MORC1: variants seen among roughly 807,000 people sequenced by gnomAD.
MORC1 encodes the protein MORC family CW-type zinc finger protein 1.
MORC1 carries 59 observed loss-of-function variants against 134.9 expected under a neutral mutation model. The observed-to-expected ratio is 0.44, with a 90% CI of 0.35 to 0.54. The LOEUF (loss-of-function observed/expected upper bound fraction) is 0.54, where lower values mean the gene tolerates loss of function less well. Ranked by LOEUF, MORC1 falls within the 20% of genes least tolerant of loss-of-function variation. The probability of loss-of-function intolerance (pLI) is 0.00; values close to 1 mark genes in which losing one functional copy is unlikely to be tolerated. For missense variants in MORC1, 947 were observed against 1,134.5 expected (o/e 0.83, Z 2.37); for synonymous variants, 395 against 391.7 (o/e 1.01, Z -0.10).
At chr3:108,970,242 G>T (rs1947341359) in intron 25 of MORC1, among the ~76,000 whole-genome samples, 1 of 151,962 alleles carries the variant, frequency 6.6e-6, no homozygotes, top group African/African-American at 2.4e-5. Context: ...AACAGGAGCT[G>T]CCACAAAGAA....
chr3:109,045,700 C>A (rs1448792438), intron 14 of MORC1, among the ~76,000 whole-genome samples: 1 of 152,120 alleles, frequency 6.6e-6, no homozygotes, highest in Non-Finnish European at 1.5e-5. Context: ...TTTCTCTTGG[C>A]TCCTGGGTAT....
chr3:108,985,178 C>T (rs969278112), intron 22 of MORC1, among the ~76,000 whole-genome samples: 5 of 152,010 alleles, frequency 3.3e-5, no homozygotes, highest in African/African-American at 7.3e-5. Flanking sequence ...TGACAGATCC[C>T]GATGAAAAAT....
At chr3:109,085,486 A>T (rs1443605618) in intron 8 of MORC1, among the ~76,000 whole-genome samples, 1 of 152,162 alleles carries the variant, frequency 6.6e-6, no homozygotes, top group Admixed American at 6.5e-5. Flanking sequence ...CAACATACAA[A>T]TAGCCAAAGG....
At chr3:109,008,098 TAA>T (rs2107541439) in intron 17 of MORC1, among the ~76,000 whole-genome samples, 1 of 152,310 alleles carries the variant, frequency 6.6e-6, no homozygotes, top group Non-Finnish European at 1.5e-5. Context: ...CTTTAGTGTA[TAA>T]AGAGCTTCTT....
rs186789727 is a variant in MORC1, at chr3:109,028,730, A to G, written c.1566-841T>C. Among the ~76,000 whole-genome samples the G allele has an allele frequency of 2.6e-5, 4 of 152,280 alleles. No individual in the cohort carries two copies. The East Asian group carries it at 7.7e-4, about 29-fold the overall frequency. ...GGAACTGAGTCAGCCAAACTGCTGAAAAAATAAGATATTATTTTGTTCACT... is the reference window on the plus strand; with the variant it reads ...GGAACTGAGTCAGCCAAACTGCTGAGAAAATAAGATATTATTTTGTTCACT... On this transcript the variant is annotated intron_variant, in intron 16 of 27. Transcript: ENST00000232603.
chr3:108,960,038 A>C (rs1185565026), intron 27 of MORC1, among the ~76,000 whole-genome samples: 2 of 152,070 alleles, frequency 1.3e-5, no homozygotes, highest in Non-Finnish European at 2.9e-5. Context: ...GACTATGGCA[A>C]GTAATTTTTT....
chr3:109,023,599 A>G (rs937065486), intron 17 of MORC1, among the ~76,000 whole-genome samples: 4 of 152,160 alleles, frequency 2.6e-5, no homozygotes, highest in African/African-American at 9.6e-5. Context: ...TGTAACTAAA[A>G]CTAGATTCTG....
At chr3:109,048,299 C>T (rs1164981554) in intron 14 of MORC1, among the ~76,000 whole-genome samples, 1 of 152,036 alleles carries the variant, frequency 6.6e-6, no homozygotes, top group African/African-American at 2.4e-5. Context: ...AAGGTAATAA[C>T]TTTTAGGTAA....
chr3:108,979,644 T>C lies in MORC1; in HGVS notation c.2348A>G (p.Asp783Gly), dbSNP rs139035446. ...TATGTGTCCAGAACTTAGATTCACA[T>C]CTTCCATCGGCACATTGAGCAAGCT... is the stretch of plus-strand genomic sequence containing the variant. ...WKSLLNVPME[D>G]VNLSSGHIAR... The change falls in exon 24 of 28, where the codon GAT (aspartate) becomes GGT (glycine). Residue 783 changes from aspartate (D) to glycine (G), a missense_variant. This residue lies in a region of MORC1 where 722 missense variants were observed against 817.0 expected (regional missense o/e 0.88). Transcript: ENST00000232603. 5.9e-5 allele frequency: 95 copies of C among 1,614,114 alleles called. No individual in the cohort carries two copies. The African/African-American group carries it at 8.7e-4, about 15-fold the overall frequency.
At chr3:109,001,024 T>C (rs1948389453) in intron 20 of MORC1, among the ~76,000 whole-genome samples, 1 of 152,224 alleles carries the variant, frequency 6.6e-6, no homozygotes, top group Non-Finnish European at 1.5e-5. Flanking sequence ...ATTTTTCAAG[T>C]GCTTATAAAG....
At chr3:109,079,457 C>CA (rs1950486066) in intron 8 of MORC1, among the ~76,000 whole-genome samples, 1 of 151,882 alleles carries the variant, frequency 6.6e-6, no homozygotes, top group East Asian at 1.9e-4. Flanking sequence ...TTTCCTCACA[C>CA]AAAAAAATAA....
At chr3:109,088,082 G>A (rs942018129) in intron 8 of MORC1, among the ~76,000 whole-genome samples, 3 of 151,996 alleles carry the variant, frequency 2.0e-5, no homozygotes, top group East Asian at 1.9e-4. Context: ...AACTCAGGAC[G>A]AATTAAAGAC....
At chr3:109,117,437 G>C (rs1230386743) in intron 1 of MORC1, among the ~76,000 whole-genome samples, 3 of 151,800 alleles carry the variant, frequency 2.0e-5, no homozygotes, top group Non-Finnish European at 2.9e-5. Context: ...AATGGCAGAT[G>C]AGAGAAAAAA....
chr3:109,071,441 G>T (rs1394756905), intron 8 of MORC1, among the ~76,000 whole-genome samples: 1 of 152,114 alleles, frequency 6.6e-6, no homozygotes, highest in Non-Finnish European at 1.5e-5. Context: ...TAGCATGCAT[G>T]TTGGGGATCT....
intron 18 of MORC1, among the ~76,000 whole-genome samples, chr3:109,005,743 G>C (rs1401737738): frequency 6.6e-6 from 1 of 152,146 alleles, no homozygotes; most frequent in African/African-American, 2.4e-5. Flanking sequence ...GAATACATGT[G>C]CCTGCTTGTT....
intron 21 of MORC1, among the ~76,000 whole-genome samples, chr3:108,989,692 A>G (rs1947993696): frequency 6.6e-6 from 1 of 152,260 alleles, no homozygotes; most frequent in Non-Finnish European, 1.5e-5. Flanking sequence ...AGGAGCCATA[A>G]GGACTATAAG....
chr3:109,070,293 G>A (rs1383916911), intron 8 of MORC1, among the ~76,000 whole-genome samples: 1 of 152,040 alleles, frequency 6.6e-6, no homozygotes, highest in Admixed American at 6.6e-5. Context: ...CCAGCTGAGG[G>A]GAAGCATCTG....
chr3:108,971,028 G>A (rs1357188884), intron 25 of MORC1, among the ~76,000 whole-genome samples: 1 of 152,172 alleles, frequency 6.6e-6, no homozygotes, highest in East Asian at 1.9e-4. Context: ...AGCAGCTGAG[G>A]AGATGTATCT....
At chr3:109,079,042 T>C (rs904544996) in intron 8 of MORC1, among the ~76,000 whole-genome samples, 15 of 151,992 alleles carry the variant, frequency 9.9e-5, no homozygotes, top group African/African-American at 3.6e-4. Context: ...AAAAAATCTA[T>C]GGGCAGACAA....
Sources: gnomAD v4.1 joint callset for allele counts (sites outside exome capture counted in the v4.1 genomes callset) on GRCh38, gnomAD v4.1.1 for gene constraint, gnomAD v4.1.1 regional missense constraint, MANE v1.5 for transcripts, NCBI Gene and HGNC (gene_info 2026-07-23, HGNC 2026-07-21) for gene names.